Variants in TAFA5 observed in about 807,000 individuals in gnomAD.
TAFA5 encodes chemokine-like protein TAFA-5.
In TAFA5, 6 loss-of-function variants were observed where a neutral mutation model predicts 15.3. The ratio of observed to expected loss-of-function variants is 0.39; its 90% CI spans 0.21 to 0.77. The LOEUF is 0.77. Ranked by LOEUF, TAFA5 falls within the 30% of genes least tolerant of loss-of-function variation. TAFA5 has a pLI of 0.41. For synonymous variants in TAFA5, 103 were observed against 80.7 expected, an observed-to-expected ratio of 1.28 and a Z score of -1.48; for missense variants, 161 against 193.1, an observed-to-expected ratio of 0.83 and a Z score of 0.98.
chr22:48,632,472 C>G (rs930567989), intron 1 of TAFA5, among the ~76,000 whole-genome samples: 1 of 148,860 alleles, frequency 6.7e-6, no homozygotes, highest in Admixed American at 6.6e-5. Context: ...GAGGTCCACC[C>G]TGAAGCCCAC....
At chr22:48,679,831 C>T (rs553511065) in intron 2 of TAFA5, among the ~76,000 whole-genome samples, 3 of 152,248 alleles carry the variant, frequency 2.0e-5, no homozygotes, top group South Asian at 2.1e-4. Flanking sequence ...CATGAAGCGC[C>T]GCCCTCACCG....
chr22:48,658,828 G>C (rs550286329), intron 2 of TAFA5, among the ~76,000 whole-genome samples: 1 of 152,366 alleles, frequency 6.6e-6, no homozygotes. Context: ...GGCCTCTTGG[G>C]CTCCCAGGCA....
At chr22:48,641,480 C>T (rs1016372317) in intron 1 of TAFA5, among the ~76,000 whole-genome samples, 2 of 152,058 alleles carry the variant, frequency 1.3e-5, no homozygotes, top group African/African-American at 2.4e-5. Flanking sequence ...AAGAAAACTC[C>T]CCCAAAGGCA....
chr22:48,508,868 A>G (rs1394161895), intron 1 of TAFA5, among the ~76,000 whole-genome samples: 1 of 151,834 alleles, frequency 6.6e-6, no homozygotes, highest in African/African-American at 2.4e-5. Flanking sequence ...GCAGTATATT[A>G]CTCTTAGCTG....
chr22:48,647,023 T>A (rs1464659628), intron 2 of TAFA5, among the ~76,000 whole-genome samples: 1 of 152,090 alleles, frequency 6.6e-6, no homozygotes, highest in Non-Finnish European at 1.5e-5. Flanking sequence ...GGCCCAAGGC[T>A]GTGGTTCTCT....
At chr22:48,623,850 A>G (rs897270897) in intron 1 of TAFA5, among the ~76,000 whole-genome samples, 1 of 152,250 alleles carries the variant, frequency 6.6e-6, no homozygotes, top group Admixed American at 6.5e-5. Flanking sequence ...GGCAGTTCAG[A>G]ACGTTCCCAT....
At chr22:48,663,954 G>T (rs1373729329) in intron 2 of TAFA5, among the ~76,000 whole-genome samples, 2 of 152,230 alleles carry the variant, frequency 1.3e-5, no homozygotes, top group Non-Finnish European at 2.9e-5. Context: ...GTGAAAAGAT[G>T]AGAATTCTCA....
chr22:48,623,392 G>A (rs1216687676), intron 1 of TAFA5, among the ~76,000 whole-genome samples: 2 of 149,956 alleles, frequency 1.3e-5, no homozygotes, highest in Non-Finnish European at 3.0e-5. Flanking sequence ...CCTGTGGGAC[G>A]GGACGTGTCG....
At chr22:48,512,274 G>C (rs988394656) in intron 1 of TAFA5, among the ~76,000 whole-genome samples, 1 of 152,214 alleles carries the variant, frequency 6.6e-6, no homozygotes, top group Non-Finnish European at 1.5e-5. Context: ...GAAAGGAAAG[G>C]ATCATCTTCT....
At chr22:48,716,592 A>G (rs9628614) in intron 3 of TAFA5, among the ~76,000 whole-genome samples, 9,465 of 152,284 alleles carry the variant, frequency 0.062, 354 homozygotes, top group Admixed American at 0.095. Context: ...CCTAGATGAC[A>G]GGTTGATAGG....
At chr22:48,629,256 G>A (rs1381527947) in intron 1 of TAFA5, among the ~76,000 whole-genome samples, 2 of 152,092 alleles carry the variant, frequency 1.3e-5, no homozygotes, top group African/African-American at 4.8e-5. Flanking sequence ...ACTCTCCCCT[G>A]CTTGCTCAGC....
intron 1 of TAFA5, among the ~76,000 whole-genome samples, chr22:48,505,664 C>T (rs914959278): frequency 9.8e-5 from 15 of 152,288 alleles, no homozygotes; most frequent in African/African-American, 2.4e-4. Context: ...CACTTGCAGT[C>T]GGCATCTCTG....
At chr22:48,640,451 T>C (rs992968759) in intron 1 of TAFA5, among the ~76,000 whole-genome samples, 1 of 152,132 alleles carries the variant, frequency 6.6e-6, no homozygotes, top group Non-Finnish European at 1.5e-5. Context: ...AAGGCTGGCT[T>C]ATCTCAGCTG....
intron 2 of TAFA5, among the ~76,000 whole-genome samples, chr22:48,647,395 G>A (rs1926905374): frequency 6.6e-6 from 1 of 152,144 alleles, no homozygotes; most frequent in African/African-American, 2.4e-5. Context: ...GGGAGGGGCT[G>A]TCCCGGCGTC....
chr22:48,591,577 G>A lies in TAFA5; in HGVS notation c.113-55020G>A, dbSNP rs149435060. Among the ~76,000 whole-genome samples the A allele has an allele frequency of 7.6e-3, 1,158 of 152,360 alleles. 13 individuals carry two copies. The highest frequency in any genetic ancestry group is 0.027 in the African/African-American group (1,114 of 41,578). On this transcript the variant is annotated intron_variant, in intron 1 of 3. Coordinates refer to ENST00000402357, the MANE Select transcript of TAFA5 (RefSeq NM_001082967.3). ...CTGGCGCAGGGAGTGGGCACTGACCGGGGGCGGCCCTGAGGGCTCCAGATG... is the reference window on the plus strand; with the variant it reads ...CTGGCGCAGGGAGTGGGCACTGACCAGGGGCGGCCCTGAGGGCTCCAGATG...
intron 2 of TAFA5, among the ~76,000 whole-genome samples, chr22:48,704,579 G>A (rs939415043): frequency 6.6e-6 from 1 of 152,126 alleles, no homozygotes; most frequent in Non-Finnish European, 1.5e-5. Context: ...GGGAGCTGCA[G>A]CCTGGGTGGC....
chr22:48,631,719 C>G (rs554674534), intron 1 of TAFA5, among the ~76,000 whole-genome samples: 1 of 152,206 alleles, frequency 6.6e-6, no homozygotes, highest in Non-Finnish European at 1.5e-5. Flanking sequence ...CTGGATCTCA[C>G]GTTGAGAGGA....
intron 1 of TAFA5, among the ~76,000 whole-genome samples, chr22:48,504,504 G>T (rs1920974510): frequency 6.6e-6 from 1 of 151,658 alleles, no homozygotes; most frequent in Admixed American, 6.5e-5. Context: ...CAGTTGGGCT[G>T]GTGAGGCCGT....
rs1293185043 is a variant in TAFA5, at chr22:48,489,631, G to C, written c.39G>C (p.Ala13=). ...CCAGGACCGGCAGCCGGCAAGATGC[G>C]ACCGCCCTGCCCAGCATGTCCTCAA... The part of the protein sequence containing the change: ...PSPRTGSRQD[A]TALPSMSSTF... The change falls in exon 1 of 4, where the codon GCG becomes GCC. Residue 13 remains alanine (A), a synonymous_variant. Coordinates refer to ENST00000402357, the MANE Select transcript of TAFA5 (RefSeq NM_001082967.3). This position sits in a 1 kb window ranked among gnomAD's most constrained non-coding sequence, Gnocchi z 5.5. The C allele has an allele frequency of 6.6e-7, 1 of 1,515,932 alleles. No individual in the cohort carries two copies. The highest frequency in any genetic ancestry group is 8.8e-7 in the Non-Finnish European group (1 of 1,131,404). 93.9% of individuals were successfully genotyped at this position (1,515,932 alleles called of 1,614,324 possible). A position where few individuals can be genotyped will look rare whatever the true frequency, so the allele number is the denominator to read the frequency against.
Sources: gnomAD v4.1 joint callset for allele counts (sites outside exome capture counted in the v4.1 genomes callset) on GRCh38, gnomAD v4.1.1 for gene constraint, Gnocchi (gnomAD v3.1) non-coding constraint, MANE v1.5 for transcripts, NCBI Gene and HGNC (gene_info 2026-07-23, HGNC 2026-07-21) for gene names.